The following MEGF10 variants were observed in gnomAD, a reference collection of about 807,000 sequenced individuals.
The protein encoded by MEGF10 is multiple EGF like domains 10.
In MEGF10, 86 loss-of-function variants were observed where a neutral mutation model predicts 147.5. The observed-to-expected ratio is 0.58, with a 90% CI of 0.49 to 0.70. The LOEUF (loss-of-function observed/expected upper bound fraction) is 0.70, where lower values mean the gene tolerates loss of function less well. MEGF10 is among the 30% of genes least tolerant of loss of function. The pLI, the probability that MEGF10 is intolerant of heterozygous loss-of-function variation, is 0.00. For missense variants in MEGF10, 1,329 were observed against 1,487.3 expected, an observed-to-expected ratio of 0.89 and a Z score of 1.75; for synonymous variants, 478 against 525.5, an observed-to-expected ratio of 0.91 and a Z score of 1.24.
At chr5:127,351,243 G>T (rs943094506) in intron 4 of MEGF10, among the ~76,000 whole-genome samples, 1 of 151,992 alleles carries the variant, frequency 6.6e-6, no homozygotes, top group African/African-American at 2.4e-5. Flanking sequence ...AAACAGATGA[G>T]CAAAAAGAGA....
the MEGF10 span, among the ~76,000 whole-genome samples, chr5:127,261,996 T>G: frequency 6.6e-6 from 1 of 152,226 alleles, no homozygotes; most frequent in Non-Finnish European, 1.5e-5. Flanking sequence ...CTTTTTTATG[T>G]GTTCTAGATA....
the MEGF10 span, among the ~76,000 whole-genome samples, chr5:127,242,676 CTTGA>C: frequency 1.3e-5 from 2 of 151,646 alleles, no homozygotes; most frequent in Non-Finnish European, 2.9e-5. Flanking sequence ...TTTTTAGTAA[CTTGA>C]TTGTTTATTA....
At chr5:127,273,401 G>A in the MEGF10 span, among the ~76,000 whole-genome samples, 1 of 152,228 alleles carries the variant, frequency 6.6e-6, no homozygotes, top group African/African-American at 2.4e-5. Flanking sequence ...CAGTCCCAAT[G>A]TGAGTACCTG....
intron 13 of MEGF10, among the ~76,000 whole-genome samples, chr5:127,429,473 T>C (rs1358136674): frequency 2.0e-5 from 3 of 152,184 alleles, no homozygotes; most frequent in Non-Finnish European, 4.4e-5. Context: ...CTGAATATCA[T>C]ACAGGAAATA....
Position 127,398,931 on chromosome 5 carries a change from C to T in MEGF10, c.780+135C>T. 4.1e-6 allele frequency: 5 copies of T among 1,226,384 alleles called. No individual in the cohort carries two copies. The South Asian group carries it at 7.4e-5, about 18-fold the overall frequency. The allele number at this position is 1,226,384 out of a possible 1,614,324, so 76.0% of individuals were successfully genotyped here. A position where few individuals can be genotyped will look rare whatever the true frequency, so the allele number is the denominator to read the frequency against. ...GTTGAAGATTCCAAAATTGGAAAGA[C>T]TCAAGCCATTTTAAATCTGAAACTC... On this transcript the variant is annotated intron_variant, in intron 7 of 24. Coordinates refer to ENST00000503335, the MANE Select transcript of MEGF10 (RefSeq NM_001256545.2).
chr5:127,452,421 C>T (rs976357718), intron 22 of MEGF10, among the ~76,000 whole-genome samples: 2 of 152,188 alleles, frequency 1.3e-5, no homozygotes. Flanking sequence ...TTCATGGGTC[C>T]TCTTTATAAA....
chr5:127,252,763 A>G, the MEGF10 span, among the ~76,000 whole-genome samples: 5 of 151,956 alleles, frequency 3.3e-5, no homozygotes, highest in African/African-American at 4.8e-5. Flanking sequence ...CACATCTTGT[A>G]TAATAAAGGA....
the MEGF10 span, among the ~76,000 whole-genome samples, chr5:127,256,088 A>C: frequency 6.6e-6 from 1 of 152,164 alleles, no homozygotes; most frequent in Admixed American, 6.5e-5. Flanking sequence ...GCCCTAACCA[A>C]AGCCTGGAAG....
intron 1 of MEGF10, among the ~76,000 whole-genome samples, chr5:127,323,379 G>C (rs1580712447): frequency 6.6e-6 from 1 of 152,320 alleles, no homozygotes; most frequent in East Asian, 1.9e-4. Flanking sequence ...GCCCTGTGTG[G>C]AAGAATAGCA....
At chr5:127,448,200 G>A (rs990754944) in intron 21 of MEGF10, among the ~76,000 whole-genome samples, 21 of 152,108 alleles carry the variant, frequency 1.4e-4, no homozygotes, top group Non-Finnish European at 2.9e-5. Context: ...ACATGAAATT[G>A]CTATTTTTGT....
chr5:127,345,634 T>C (rs1446914412), intron 4 of MEGF10, among the ~76,000 whole-genome samples: 3 of 152,218 alleles, frequency 2.0e-5, no homozygotes, highest in Non-Finnish European at 4.4e-5. Context: ...TCCTTTAAGA[T>C]TAATATTCTT....
chr5:127,454,471 C>T (rs940248109), intron 22 of MEGF10, 95 bp from the exon 23 acceptor site: 5 of 1,048,630 alleles, frequency 4.8e-6, no homozygotes, highest in Admixed American at 2.4e-5. Context: ...TTGTTTGCTG[C>T]AGTGGGAGAT....
chr5:127,307,901 G>A (rs1465351434), intron 1 of MEGF10, among the ~76,000 whole-genome samples: 1 of 152,160 alleles, frequency 6.6e-6, no homozygotes, highest in Non-Finnish European at 1.5e-5. Context: ...CTCCTCCATG[G>A]GGTAATAGAG....
chr5:127,369,830 C>T, intron 4 of MEGF10, 80 bp from the exon 5 acceptor site: 1 of 1,093,240 alleles, frequency 9.1e-7, no homozygotes, highest in Non-Finnish European at 1.4e-6. Flanking sequence ...ATACTTGAGA[C>T]TTGGATGTGC....
chr5:127,428,284 CA>C (rs1027559356), intron 13 of MEGF10, among the ~76,000 whole-genome samples: 1 of 151,336 alleles, frequency 6.6e-6, no homozygotes, highest in African/African-American at 2.4e-5. Flanking sequence ...CCATAGTATC[CA>C]AATAGAAAGA....
chr5:127,293,665 A>G (rs1366973565), intron 1 of MEGF10, among the ~76,000 whole-genome samples: 4 of 152,202 alleles, frequency 2.6e-5, no homozygotes, highest in African/African-American at 9.7e-5. Flanking sequence ...CTAAAATGCA[A>G]ATCTGATCAT....
chr5:127,244,390 AAATG>A, the MEGF10 span, among the ~76,000 whole-genome samples: 1 of 151,618 alleles, frequency 6.6e-6, no homozygotes, highest in African/African-American at 2.4e-5. Flanking sequence ...AAAAGAAAAG[AAATG>A]GTATCATTAT....
chr5:127,387,600 A>C (rs780782365), intron 5 of MEGF10, among the ~76,000 whole-genome samples: 1 of 152,218 alleles, frequency 6.6e-6, no homozygotes, highest in South Asian at 2.1e-4. Flanking sequence ...TCAGCGTGGC[A>C]TAAGGGATGA....
the MEGF10 span, among the ~76,000 whole-genome samples, chr5:127,231,013 C>T: frequency 6.6e-6 from 1 of 152,086 alleles, no homozygotes; most frequent in Non-Finnish European, 1.5e-5. Flanking sequence ...GCCTTTTAGC[C>T]CAAATCTGGA....
Sources: allele counts gnomAD v4.1 joint callset (sites outside exome capture counted in the v4.1 genomes callset), GRCh38; gene constraint gnomAD v4.1.1; transcripts MANE v1.5; gene names NCBI Gene and HGNC (gene_info 2026-07-23, HGNC 2026-07-21).